GRM5: variants seen among roughly 807,000 people sequenced by gnomAD.
GRM5 encodes metabotropic glutamate receptor 5.
GRM5 carries 19 observed loss-of-function variants against 83.1 expected under a neutral mutation model. The observed-to-expected ratio is 0.23, with a 90% CI of 0.16 to 0.34. The LOEUF (loss-of-function observed/expected upper bound fraction) is 0.34, where lower values mean the gene tolerates loss of function less well. GRM5 is among the 10% of genes least tolerant of loss of function. The pLI is 1.00. For synonymous variants in GRM5, 675 were observed against 633.6 expected, an observed-to-expected ratio of 1.07 and a Z score of -0.98; for missense variants, 1,160 against 1,588.3, an observed-to-expected ratio of 0.73 and a Z score of 4.58.
At chr11:89,007,735 T>C (rs1180843583) in intron 2 of GRM5, among the ~76,000 whole-genome samples, 1 of 152,158 alleles carries the variant, frequency 6.6e-6, no homozygotes, top group Non-Finnish European at 1.5e-5. Context: ...GCAAAATTAA[T>C]TACAACTATG....
At chr11:88,592,817 T>G (rs1591369433) in intron 6 of GRM5, among the ~76,000 whole-genome samples, 1 of 152,204 alleles carries the variant, frequency 6.6e-6, no homozygotes, top group East Asian at 1.9e-4. Context: ...TCTTTTTTAT[T>G]TATTTTATTT....
chr11:88,604,676 T>A, intron 5 of GRM5, 42 bp downstream of exon 5: 1 of 1,527,330 alleles, frequency 6.5e-7, no homozygotes, highest in Non-Finnish European at 9.0e-7. Flanking sequence ...AGTTGGCTGT[T>A]ATTCAGTCTC....
intron 2 of GRM5, chr11:88,984,943 G>T: frequency 3.4e-6 from 2 of 586,690 alleles, no homozygotes; most frequent in South Asian, 4.6e-5. Context: ...TTAATAATTT[G>T]ACTCACTTTT....
At chr11:88,792,997 G>A (rs1036711670) in intron 3 of GRM5, among the ~76,000 whole-genome samples, 8 of 152,008 alleles carry the variant, frequency 5.3e-5, no homozygotes, top group Non-Finnish European at 7.4e-5. Flanking sequence ...CTTGTAATAT[G>A]CATCATCATG....
chr11:88,923,934 A>G (rs1000298375), intron 2 of GRM5, among the ~76,000 whole-genome samples: 12 of 151,536 alleles, frequency 7.9e-5, no homozygotes, highest in Non-Finnish European at 1.8e-4. Flanking sequence ...TATACCCATA[A>G]AAATTAAAAT....
At chr11:88,856,551 A>G (rs1396134451) in intron 2 of GRM5, among the ~76,000 whole-genome samples, 2 of 152,106 alleles carry the variant, frequency 1.3e-5, no homozygotes, top group Admixed American at 6.6e-5. Flanking sequence ...TTAAATGTAT[A>G]TAAGTAGAAA....
chr11:88,892,025 G>T (rs1447703722), intron 2 of GRM5, among the ~76,000 whole-genome samples: 5 of 152,010 alleles, frequency 3.3e-5, no homozygotes, highest in Non-Finnish European at 7.4e-5. Flanking sequence ...AATTAAGTAA[G>T]TTATACTCTT....
At chr11:88,777,692 C>G (rs1431857220) in intron 3 of GRM5, among the ~76,000 whole-genome samples, 1 of 152,114 alleles carries the variant, frequency 6.6e-6, no homozygotes, top group African/African-American at 2.4e-5. Flanking sequence ...CAGTCAGGTC[C>G]CTCAGCTGCA....
intron 8 of GRM5, among the ~76,000 whole-genome samples, chr11:88,530,043 C>T: frequency 6.6e-6 from 1 of 152,002 alleles, no homozygotes; most frequent in Non-Finnish European, 1.5e-5. Context: ...CAGGGGAGCT[C>T]TCAGCATACC....
intron 2 of GRM5, among the ~76,000 whole-genome samples, chr11:89,030,005 G>C (rs529689939): frequency 6.6e-6 from 1 of 151,966 alleles, no homozygotes; most frequent in South Asian, 2.1e-4. Flanking sequence ...CCTTCTTTCT[G>C]GGAGACATTG....
At chr11:89,000,543 A>G (rs1235311881) in intron 2 of GRM5, among the ~76,000 whole-genome samples, 2 of 152,194 alleles carry the variant, frequency 1.3e-5, no homozygotes, top group Admixed American at 6.5e-5. Flanking sequence ...TCTAAACCTC[A>G]TAATTCAAGC....
At chr11:88,525,470 G>A in intron 8 of GRM5, 66 bp from the exon 9 acceptor site, 1 of 1,000,102 alleles carries the variant, frequency 1.0e-6, no homozygotes, top group East Asian at 2.4e-5. Context: ...CTGCCAGGCT[G>A]AGGAACGGCC....
At chr11:88,801,049 G>T (rs1943384033) in intron 3 of GRM5, among the ~76,000 whole-genome samples, 1 of 152,002 alleles carries the variant, frequency 6.6e-6, no homozygotes, top group Non-Finnish European at 1.5e-5. Flanking sequence ...GAAATCCAAA[G>T]TCATTGGCTA....
chr11:88,525,443 C>T (rs185480791), intron 8 of GRM5, 39 bp from the exon 9 acceptor site: 43 of 1,267,392 alleles, frequency 3.4e-5, no homozygotes, highest in African/African-American at 4.4e-5. Context: ...AACAGAAAGA[C>T]GTGATTGTGT....
intron 2 of GRM5, among the ~76,000 whole-genome samples, chr11:89,044,402 C>T (rs1192346378): frequency 3.9e-5 from 6 of 152,100 alleles, no homozygotes; most frequent in Non-Finnish European, 8.8e-5. Context: ...AGCCATAAAT[C>T]ACAGGAAATA....
intron 2 of GRM5, among the ~76,000 whole-genome samples, chr11:89,005,019 G>T (rs1940486818): frequency 6.6e-6 from 1 of 152,132 alleles, no homozygotes; most frequent in Non-Finnish European, 1.5e-5. Context: ...AATACATTTT[G>T]GCAGACCAGA....
intron 2 of GRM5, among the ~76,000 whole-genome samples, chr11:88,969,513 A>G (rs578063384): frequency 6.6e-6 from 1 of 152,234 alleles, no homozygotes; most frequent in South Asian, 2.1e-4. Flanking sequence ...TCCTATTAAG[A>G]AAATGCTCCT....
chr11:88,773,765 T>G (rs536544375), intron 3 of GRM5, among the ~76,000 whole-genome samples: 109 of 152,294 alleles, frequency 7.2e-4, no homozygotes, highest in African/African-American at 2.5e-3. Flanking sequence ...TGGTTGTAGA[T>G]GTATGGTATT....
chr11:88,903,489 A>G (rs1243959352), intron 2 of GRM5, among the ~76,000 whole-genome samples: 1 of 152,230 alleles, frequency 6.6e-6, no homozygotes, highest in African/African-American at 2.4e-5. Flanking sequence ...ACAATATGGA[A>G]TCAACCTAAG....
Sources: gnomAD v4.1 joint callset for allele counts (sites outside exome capture counted in the v4.1 genomes callset) on GRCh38, gnomAD v4.1.1 for gene constraint, MANE v1.5 for transcripts, NCBI Gene and HGNC (gene_info 2026-07-23, HGNC 2026-07-21) for gene names.